EDNRA: variants seen among roughly 807,000 people sequenced by gnomAD.
The protein encoded by EDNRA is endothelin-1 receptor.
EDNRA carries 11 observed loss-of-function variants against 41.4 expected under a neutral mutation model. The observed-to-expected ratio is 0.27, with a 90% CI of 0.17 to 0.44. The LOEUF (loss-of-function observed/expected upper bound fraction) is 0.44. EDNRA is among the 20% of genes least tolerant of loss of function. The pLI is 1.00. For synonymous variants in EDNRA, 172 were observed against 183.0 expected, an observed-to-expected ratio of 0.94 and a Z score of 0.49; for missense variants, 294 against 531.0, an observed-to-expected ratio of 0.55 and a Z score of 4.39.
intron 3 of EDNRA, among the ~76,000 whole-genome samples, chr4:147,529,884 G>A (rs1730685782): frequency 6.6e-6 from 1 of 152,130 alleles, no homozygotes; most frequent in Non-Finnish European, 1.5e-5. Context: ...TCTTATGGCT[G>A]TTTTCCCCTT....
At chr4:147,501,636 A>G (rs781445327) in intron 2 of EDNRA, among the ~76,000 whole-genome samples, 1 of 152,228 alleles carries the variant, frequency 6.6e-6, no homozygotes, top group Admixed American at 6.5e-5. Context: ...TTTATTATAC[A>G]ATGTTCTGTA....
At chr4:147,498,897 G>A (rs1018016662) in intron 2 of EDNRA, among the ~76,000 whole-genome samples, 3 of 152,124 alleles carry the variant, frequency 2.0e-5, no homozygotes, top group African/African-American at 4.8e-5. Context: ...GAGCCACTGC[G>A]ACCAGACACT....
In EDNRA at chr4:147,519,716, A is replaced by C. The variant is rs1730246944; in HGVS notation, c.421-135A>C. ...GAAAGAAAAAAATAACAATTCTAAT[A>C]CTCTTTTGCTACAGTGCTAACTGAA... On this transcript the variant is annotated intron_variant, in intron 2 of 7. Coordinates refer to ENST00000651419, the MANE Select transcript of EDNRA (RefSeq NM_001957.4). This position sits in a 1 kb window ranked among gnomAD's most constrained non-coding sequence, Gnocchi z 4.1. 9.9e-7 allele frequency: 1 copy of C among 1,012,614 alleles called. No homozygotes were observed. The highest frequency in any genetic ancestry group is 1.4e-6 in the Non-Finnish European group (1 of 733,044). The allele number at this position is 1,012,614 out of a possible 1,614,324, so 62.7% of individuals were successfully genotyped here.
chr4:147,508,203 A>G (rs2126425724), intron 2 of EDNRA, among the ~76,000 whole-genome samples: 1 of 152,154 alleles, frequency 6.6e-6, no homozygotes, highest in East Asian at 1.9e-4. Context: ...CAGTGGGGCA[A>G]TCTCCACTCA....
chr4:147,502,478 C>T (rs189285441), intron 2 of EDNRA, among the ~76,000 whole-genome samples: 7 of 152,290 alleles, frequency 4.6e-5, no homozygotes, highest in Admixed American at 1.3e-4. Flanking sequence ...AAATTATTTC[C>T]ATCTTCAACT....
chr4:147,534,243 G>A (rs1296741450), intron 4 of EDNRA, among the ~76,000 whole-genome samples: 1 of 152,202 alleles, frequency 6.6e-6, no homozygotes, highest in African/African-American at 2.4e-5. Context: ...AAAGAAGGGA[G>A]AATGGGTGCT....
Position 147,543,049 on chromosome 4 carries a change from T to A in EDNRA, c.*431T>A, listed in dbSNP as rs1309571180. 6.5e-6 allele frequency: 1 copy of A among 153,000 alleles called. No homozygotes were observed. Among genetic ancestry groups the A allele is most frequent in the Non-Finnish European group, 1.5e-5 (1 of 68,598 alleles). 9.5% of individuals were successfully genotyped at this position (153,000 alleles called of 1,614,324 possible). On this transcript the variant is annotated 3_prime_UTR_variant, in exon 8 of 8. Coordinates refer to ENST00000651419, the MANE Select transcript of EDNRA (RefSeq NM_001957.4). ...AGATTTTCTACTTTTTTTAAGTGATTTTTTTGTCCTTCAGCCAAACACAAT... is the reference window on the plus strand; with the variant it reads ...AGATTTTCTACTTTTTTTAAGTGATATTTTTGTCCTTCAGCCAAACACAAT...
In EDNRA at chr4:147,544,584, C is replaced by G. The variant is rs1234789502; in HGVS notation, c.*1966C>G. The G allele has an allele frequency of 6.6e-6, 1 of 152,492 alleles. No individual in the cohort carries two copies. The highest frequency in any genetic ancestry group is 2.4e-5 in the African/African-American group (1 of 41,436). 9.4% of individuals were successfully genotyped at this position (152,492 alleles called of 1,614,324 possible). A position where few individuals can be genotyped will look rare whatever the true frequency, so the allele number is the denominator to read the frequency against. ...GCTTGAATTGCAAGGCTAAGAAGTA[C>G]TGCCCTTTTGTGTGTTAGCAGTCAA... On this transcript the variant is annotated 3_prime_UTR_variant, in exon 8 of 8. Transcript: ENST00000651419.
intron 2 of EDNRA, among the ~76,000 whole-genome samples, chr4:147,514,084 T>C (rs567703350): frequency 8.0e-4 from 122 of 152,370 alleles, no homozygotes; most frequent in African/African-American, 2.8e-3. Context: ...GTGTGTTATA[T>C]GTTCAGTTTG....
intron 7 of EDNRA, among the ~76,000 whole-genome samples, chr4:147,541,067 C>CAAAA (rs10551607): frequency 2.8e-4 from 13 of 46,160 alleles, no homozygotes; most frequent in Non-Finnish European, 4.5e-4. Context: ...GACTCAGTCT[C>CAAAA]AAAAAAAAAA....
At chr4:147,520,356 G>A (rs1374669938) in intron 3 of EDNRA, 1 of 516,784 alleles carries the variant, frequency 1.9e-6, no homozygotes, top group South Asian at 1.4e-5. Flanking sequence ...TATCTGTAAT[G>A]TTTAATTAAT....
At chr4:147,515,274 C>G (rs768262779) in intron 2 of EDNRA, among the ~76,000 whole-genome samples, 1 of 152,138 alleles carries the variant, frequency 6.6e-6, no homozygotes, top group African/African-American at 2.4e-5. Context: ...TTAGCAGCAT[C>G]CCAAGCCTCT....
chr4:147,528,447 T>C (rs1459407993), intron 3 of EDNRA, among the ~76,000 whole-genome samples: 1 of 146,260 alleles, frequency 6.8e-6, no homozygotes, highest in Non-Finnish European at 1.5e-5. Flanking sequence ...AGGCTCAACC[T>C]CCCTGGGCTC....
intron 3 of EDNRA, among the ~76,000 whole-genome samples, chr4:147,526,467 G>C (rs1322532516): frequency 1.3e-5 from 2 of 152,170 alleles, no homozygotes; most frequent in Non-Finnish European, 2.9e-5. Context: ...CCTCCATGTA[G>C]TCTCAGGGTC....
intron 2 of EDNRA, chr4:147,494,021 T>G (rs1287469792): frequency 3.9e-5 from 6 of 152,142 alleles, no homozygotes; most frequent in Non-Finnish European, 8.8e-5. Context: ...TAAAACAACT[T>G]CCTTGGAGAC....
rs369274340 is a variant in EDNRA at position 147,514,618 on chromosome 4, C to T, written c.421-5233C>T. 2.4e-3 allele frequency among the ~76,000 whole-genome samples: 371 copies of T among 152,034 alleles called. 1 individual carries two copies. The highest frequency in any genetic ancestry group is 7.5e-3 in the African/African-American group (313 of 41,478). On this transcript the variant is annotated intron_variant, in intron 2 of 7. Coordinates refer to ENST00000651419, the MANE Select transcript of EDNRA (RefSeq NM_001957.4). ...CCTCCCAAGTAGCTGGGATTATAGG[C>T]GCGTGCCACCACACCTGGCTAATTC...
intron 3 of EDNRA, among the ~76,000 whole-genome samples, chr4:147,525,497 A>G (rs546285501): frequency 6.6e-6 from 1 of 152,246 alleles, no homozygotes; most frequent in South Asian, 2.1e-4. Flanking sequence ...ACTTTTCCCA[A>G]CAAAAATGAA....
rs188844105 is a variant in EDNRA at position 147,504,463 on chromosome 4, C to T, written c.421-15388C>T. ...ATCAAAAAACTACATTCGTTAATAT[C>T]ACCACCAATCCTTTGTCACGTGGAA... On this transcript the variant is annotated intron_variant, in intron 2 of 7. Coordinates refer to ENST00000651419, the MANE Select transcript of EDNRA (RefSeq NM_001957.4). Among the ~76,000 whole-genome samples, 21 of 152,246 alleles carry T rather than the reference C, an allele frequency of 1.4e-4. No individual in the cohort carries two copies. The East Asian group carries it at 2.9e-3, about 21-fold the overall frequency.
Position 147,486,246 on chromosome 4 carries a change from T to A in EDNRA, c.420+145T>A. 1.1e-6 allele frequency: 1 copy of A among 892,674 alleles called. No individual in the cohort carries two copies. Among genetic ancestry groups the A allele is most frequent in the Non-Finnish European group, 1.6e-6 (1 of 607,146 alleles). The allele number at this position is 892,674 out of a possible 1,614,324, so 55.3% of individuals were successfully genotyped here. ...TCTGCTGTCTTCTAACTACTAGTTT[T>A]AAGATTTACAAATTTTATTATCTGT... On this transcript the variant is annotated intron_variant, in intron 2 of 7. Coordinates refer to ENST00000651419, the MANE Select transcript of EDNRA (RefSeq NM_001957.4). The surrounding 1 kb of genome is among the most constrained non-coding windows in gnomAD (Gnocchi z 4.3).
Sources: gnomAD v4.1 joint callset for allele counts (sites outside exome capture counted in the v4.1 genomes callset) on GRCh38, gnomAD v4.1.1 for gene constraint, Gnocchi (gnomAD v3.1) non-coding constraint, MANE v1.5 for transcripts, NCBI Gene and HGNC (gene_info 2026-07-23, HGNC 2026-07-21) for gene names.